The following SGCZ variants were observed in gnomAD, a reference collection of about 807,000 sequenced individuals.
SGCZ encodes the protein sarcoglycan zeta.
SGCZ carries 40 observed loss-of-function variants against 41.3 expected under a neutral mutation model. The observed-to-expected ratio is 0.97, with a 90% CI of 0.75 to 1.26. The LOEUF is 1.26. Among genes scored for constraint, SGCZ ranks in the 50% most tolerant of loss-of-function variants. SGCZ has a pLI of 0.00. For missense variants in SGCZ, 552 were observed against 369.8 expected, an observed-to-expected ratio of 1.49 and a Z score of -4.04; for synonymous variants, 206 against 137.5, an observed-to-expected ratio of 1.50 and a Z score of -3.49.
At chr8:14,532,458 C>G (rs1363750321) in intron 2 of SGCZ, among the ~76,000 whole-genome samples, 1 of 151,882 alleles carries the variant, frequency 6.6e-6, no homozygotes, top group Non-Finnish European at 1.5e-5. Context: ...ATGAAAGAGA[C>G]AGACACTGAA....
intron 2 of SGCZ, among the ~76,000 whole-genome samples, chr8:14,426,675 C>A (rs1459964536): frequency 6.6e-6 from 1 of 152,074 alleles, no homozygotes. Flanking sequence ...TTAATGCAAA[C>A]TGGACTCTGG....
intron 3 of SGCZ, among the ~76,000 whole-genome samples, chr8:14,275,375 T>G (rs1426737394): frequency 6.6e-6 from 1 of 152,154 alleles, no homozygotes; most frequent in Non-Finnish European, 1.5e-5. Flanking sequence ...AAGTTCTCTT[T>G]GTAATAATTC....
intron 3 of SGCZ, among the ~76,000 whole-genome samples, chr8:14,251,924 G>C (rs1255103963): frequency 1.3e-5 from 2 of 152,024 alleles, no homozygotes; most frequent in African/African-American, 4.8e-5. Flanking sequence ...TGGCCAGGAT[G>C]GTCTCGAACT....
chr8:15,116,509 T>G (rs1429664322), intron 1 of SGCZ, among the ~76,000 whole-genome samples: 3 of 152,234 alleles, frequency 2.0e-5, no homozygotes, highest in Non-Finnish European at 4.4e-5. Context: ...CGATAGATTT[T>G]GTCAAAGGTC....
At chr8:14,299,845 G>C (rs1395898268) in intron 3 of SGCZ, among the ~76,000 whole-genome samples, 1 of 149,402 alleles carries the variant, frequency 6.7e-6, no homozygotes, top group African/African-American at 2.5e-5. Flanking sequence ...TGAAGAAAAA[G>C]AATATAGTAT....
At chr8:14,702,390 C>T (rs1185379229) in intron 1 of SGCZ, among the ~76,000 whole-genome samples, 2 of 151,836 alleles carry the variant, frequency 1.3e-5, no homozygotes, top group African/African-American at 2.4e-5. Context: ...CCAATCCAGC[C>T]CTTCTAAGTA....
At chr8:14,418,505 G>A (rs1287040367) in intron 2 of SGCZ, among the ~76,000 whole-genome samples, 3 of 151,884 alleles carry the variant, frequency 2.0e-5, no homozygotes, top group Non-Finnish European at 4.4e-5. Flanking sequence ...TTATAGAAAG[G>A]AAATTATATT....
At chr8:14,609,799 G>A (rs959055457) in intron 1 of SGCZ, among the ~76,000 whole-genome samples, 6 of 152,010 alleles carry the variant, frequency 3.9e-5, no homozygotes, top group African/African-American at 1.2e-4. Context: ...TCTTTAAGTA[G>A]CACAATAGAG....
intron 1 of SGCZ, among the ~76,000 whole-genome samples, chr8:14,738,376 CCCATT>C (rs1246548312): frequency 1.1e-4 from 16 of 152,074 alleles, no homozygotes; most frequent in Non-Finnish European, 2.1e-4. Context: ...GATTCTCTTT[CCCATT>C]CCATTTGTTA....
chr8:14,545,380 T>C (rs967247964), intron 2 of SGCZ, among the ~76,000 whole-genome samples: 1 of 150,602 alleles, frequency 6.6e-6, no homozygotes, highest in African/African-American at 2.5e-5. Context: ...AATAAGACAA[T>C]ATTTCAATTA....
chr8:15,120,828 T>C (rs1374643059), intron 1 of SGCZ, among the ~76,000 whole-genome samples: 1 of 152,184 alleles, frequency 6.6e-6, no homozygotes, highest in African/African-American at 2.4e-5. Flanking sequence ...CACTGTCCTA[T>C]TTGCATATGA....
chr8:14,506,812 T>C (rs556189556), intron 2 of SGCZ, among the ~76,000 whole-genome samples: 34 of 152,284 alleles, frequency 2.2e-4, no homozygotes, highest in African/African-American at 7.7e-4. Context: ...AAAATCCTGT[T>C]TGACTTCAGG....
intron 2 of SGCZ, among the ~76,000 whole-genome samples, chr8:14,420,087 T>G (rs1563317514): frequency 6.6e-6 from 1 of 152,184 alleles, no homozygotes; most frequent in Middle Eastern, 3.4e-3. Context: ...ATTTATTGCA[T>G]TCTATTTTTA....
chr8:15,183,959 G>C (rs545338537), intron 1 of SGCZ, among the ~76,000 whole-genome samples: 1 of 152,006 alleles, frequency 6.6e-6, no homozygotes, highest in Non-Finnish European at 1.5e-5. Context: ...GCAAAGAGAA[G>C]GAAGAATTAT....
At chr8:14,318,398 T>G (rs1292974709) in intron 3 of SGCZ, among the ~76,000 whole-genome samples, 1 of 151,946 alleles carries the variant, frequency 6.6e-6, no homozygotes, top group African/African-American at 2.4e-5. Context: ...TACAAGTTTA[T>G]GATATAAAAC....
At chr8:14,182,472 G>A (rs1804760153) in intron 4 of SGCZ, among the ~76,000 whole-genome samples, 1 of 152,140 alleles carries the variant, frequency 6.6e-6, no homozygotes. Context: ...TTGCCATCCA[G>A]GAGTGCCCTG....
intron 1 of SGCZ, among the ~76,000 whole-genome samples, chr8:14,689,192 C>G (rs528361339): frequency 6.6e-6 from 1 of 151,884 alleles, no homozygotes; most frequent in Non-Finnish European, 1.5e-5. Flanking sequence ...AGGGCTTATG[C>G]TTTTATACAC....
chr8:15,074,216 C>A (rs989892323), intron 1 of SGCZ, among the ~76,000 whole-genome samples: 1 of 152,110 alleles, frequency 6.6e-6, no homozygotes. Flanking sequence ...ATAAAAGGAG[C>A]CTAAACTTCT....
intron 3 of SGCZ, among the ~76,000 whole-genome samples, chr8:14,241,446 T>C (rs1286772532): frequency 6.7e-6 from 1 of 148,356 alleles, no homozygotes; most frequent in Non-Finnish European, 1.5e-5. Flanking sequence ...TATAAATATA[T>C]AAACAATATA....
Sources: allele counts gnomAD v4.1 joint callset (sites outside exome capture counted in the v4.1 genomes callset), GRCh38; gene constraint gnomAD v4.1.1; transcripts MANE v1.5; gene names NCBI Gene and HGNC (gene_info 2026-07-23, HGNC 2026-07-21).